The following EYS variants were observed in gnomAD, a reference collection of about 807,000 sequenced individuals.
EYS encodes EGF-like photoreceptor maintenance factor.
In EYS, 250 loss-of-function variants were observed where a neutral mutation model predicts 282.1. That is an observed-to-expected ratio of 0.89 (90% CI 0.80 to 0.98). EYS has a LOEUF of 0.98. EYS is among the 50% of genes least tolerant of loss of function. The pLI, the probability that EYS is intolerant of heterozygous loss-of-function variation, is 0.00. For synonymous variants in EYS, 1,355 were observed against 1,282.9 expected (o/e 1.06, Z -1.20); for missense variants, 4,016 against 3,709.0 (o/e 1.08, Z -2.15).
intron 28 of EYS, among the ~76,000 whole-genome samples, chr6:64,393,494 T>A (rs1393021158): frequency 6.6e-6 from 1 of 152,128 alleles, no homozygotes; most frequent in East Asian, 1.9e-4. Flanking sequence ...AATCAATAAA[T>A]GTAATCCAGC....
At chr6:63,937,181 C>T (rs1765083221) in intron 35 of EYS, among the ~76,000 whole-genome samples, 1 of 151,826 alleles carries the variant, frequency 6.6e-6, no homozygotes, top group South Asian at 2.1e-4. Flanking sequence ...TAGTCCTTGT[C>T]CTCAAGTAGT....
chr6:64,686,845 A>ATATATATGTGTG, intron 22 of EYS, among the ~76,000 whole-genome samples: 1 of 62,352 alleles, frequency 1.6e-5, no homozygotes, highest in South Asian at 5.2e-4. Context: ...ATACGTGTAT[A>ATATATATGTGTG]TATATATATG....
intron 8 of EYS, 59 bp downstream of exon 8, chr6:65,384,323 GACTA>G (rs1337696050): frequency 1.3e-5 from 11 of 858,416 alleles, no homozygotes; most frequent in Non-Finnish European, 2.0e-5. Flanking sequence ...TTGAAATATA[GACTA>G]ACTGAGTCTA....
chr6:64,268,015 A>G (rs1201800966), intron 30 of EYS, among the ~76,000 whole-genome samples: 6 of 152,058 alleles, frequency 3.9e-5, no homozygotes, highest in Non-Finnish European at 4.4e-5. Flanking sequence ...CCACTTTTGA[A>G]AGTTTATCCT....
chr6:64,584,203 A>G (rs1249679124), intron 26 of EYS, among the ~76,000 whole-genome samples: 1 of 152,006 alleles, frequency 6.6e-6, no homozygotes, highest in Non-Finnish European at 1.5e-5. Context: ...TGTAAAAAAT[A>G]AAAGTAAATA....
chr6:65,317,821 CCTTCCTTT>C (rs1769341103), intron 11 of EYS, among the ~76,000 whole-genome samples: 11 of 51,510 alleles, frequency 2.1e-4, no homozygotes, highest in East Asian at 4.5e-4. Flanking sequence ...TTCCTTCCTT[CCTTCCTTT>C]CTTTCTTTCT....
intron 36 of EYS, among the ~76,000 whole-genome samples, chr6:63,824,238 A>G (rs946056739): frequency 3.3e-5 from 5 of 152,226 alleles, no homozygotes; most frequent in Admixed American, 1.3e-4. Flanking sequence ...AAATTTTAAT[A>G]TAATAGACAT....
chr6:64,548,702 T>C (rs1422690130), intron 26 of EYS, among the ~76,000 whole-genome samples: 1 of 149,192 alleles, frequency 6.7e-6, no homozygotes, highest in Admixed American at 6.7e-5. Context: ...GGGGGAGGAG[T>C]AGCATTAGGA....
chr6:64,280,355 G>T (rs111943859), intron 30 of EYS, among the ~76,000 whole-genome samples: 1 of 152,076 alleles, frequency 6.6e-6, no homozygotes, highest in Non-Finnish European at 1.5e-5. Context: ...GATAAGAAAA[G>T]AGTATGTTAG....
chr6:65,056,206 C>T (rs890726270), intron 13 of EYS, among the ~76,000 whole-genome samples: 4 of 151,970 alleles, frequency 2.6e-5, no homozygotes, highest in Non-Finnish European at 5.9e-5. Context: ...CTCGCTTTGA[C>T]TTAATCTCAG....
chr6:64,777,477 T>C (rs1381776041), intron 22 of EYS, among the ~76,000 whole-genome samples: 1 of 152,088 alleles, frequency 6.6e-6, no homozygotes, highest in Non-Finnish European at 1.5e-5. Flanking sequence ...TTTTTCTGTG[T>C]TTATAGTGCC....
chr6:65,172,648 C>G (rs1402534052), intron 12 of EYS, among the ~76,000 whole-genome samples: 1 of 151,208 alleles, frequency 6.6e-6, no homozygotes, highest in African/African-American at 2.4e-5. Flanking sequence ...GAGGATACAG[C>G]TGAACAGTTC....
intron 31 of EYS, among the ~76,000 whole-genome samples, chr6:64,137,716 G>A (rs1232917207): frequency 6.6e-6 from 1 of 152,076 alleles, no homozygotes. Context: ...TCATACGAGT[G>A]CAGTTTGTGA....
At chr6:64,886,657 C>G in intron 19 of EYS, 40 bp downstream of exon 19, 1 of 1,453,884 alleles carries the variant, frequency 6.9e-7, no homozygotes. Context: ...TGCTTGCAGA[C>G]AGAAATATGT....
At chr6:64,495,650 A>G (rs1466663728) in intron 26 of EYS, among the ~76,000 whole-genome samples, 1 of 151,930 alleles carries the variant, frequency 6.6e-6, no homozygotes, top group Non-Finnish European at 1.5e-5. Context: ...AGATGGAGTC[A>G]ATTTGAACAA....
intron 35 of EYS, among the ~76,000 whole-genome samples, chr6:63,900,715 G>A (rs917357866): frequency 2.0e-5 from 3 of 152,192 alleles, no homozygotes; most frequent in Admixed American, 1.3e-4. Flanking sequence ...ATTGGCTTGA[G>A]GTGTTGGAGT....
chr6:65,412,084 A>G (rs903406410), intron 5 of EYS, among the ~76,000 whole-genome samples: 1 of 152,098 alleles, frequency 6.6e-6, no homozygotes, highest in Admixed American at 6.6e-5. Flanking sequence ...TAATAATCAG[A>G]TAGCTTGCTA....
chr6:65,575,557 A>T (rs1234747542), intron 2 of EYS, among the ~76,000 whole-genome samples: 1 of 151,790 alleles, frequency 6.6e-6, no homozygotes, highest in Non-Finnish European at 1.5e-5. Flanking sequence ...AACAATATAA[A>T]CCCAAAGTTT....
chr6:65,682,064 G>A (rs1457443686), intron 1 of EYS, among the ~76,000 whole-genome samples: 1 of 151,918 alleles, frequency 6.6e-6, no homozygotes, highest in Admixed American at 6.6e-5. Context: ...TTTCAGTGGT[G>A]TTGAGTTCAA....
Sources: gnomAD v4.1 joint callset for allele counts (sites outside exome capture counted in the v4.1 genomes callset) on GRCh38, gnomAD v4.1.1 for gene constraint, MANE v1.5 for transcripts, NCBI Gene and HGNC (gene_info 2026-07-23, HGNC 2026-07-21) for gene names.